Variants in AXIN1 observed in about 807,000 individuals in gnomAD.
AXIN1 encodes the protein axin 1.
AXIN1 carries 30 observed loss-of-function variants against 76.4 expected under a neutral mutation model. That is an observed-to-expected ratio of 0.39 (90% confidence interval 0.29 to 0.53). The LOEUF is 0.53. Among genes scored for constraint, AXIN1 ranks in the 20% least tolerant of loss-of-function variants. The pLI is 0.66. For missense variants in AXIN1, 1,140 were observed against 1,198.8 expected, an observed-to-expected ratio of 0.95 and a Z score of 0.72; for synonymous variants, 545 against 501.4, an observed-to-expected ratio of 1.09 and a Z score of -1.16.
At chr16:337,131 C>T (rs965257791) in intron 2 of AXIN1, among the ~76,000 whole-genome samples, 1 of 102,400 alleles carries the variant, frequency 9.8e-6, no homozygotes. Flanking sequence ...GCCTGGGTGA[C>T]AGAGCAAGAC....
intron 3 of AXIN1, among the ~76,000 whole-genome samples, chr16:314,310 G>A (rs958298908): frequency 7.2e-5 from 11 of 152,300 alleles, no homozygotes; most frequent in Admixed American, 1.3e-4. Flanking sequence ...GAGACCTGGG[G>A]AGCCAGGAAA....
intron 2 of AXIN1, among the ~76,000 whole-genome samples, chr16:317,281 G>A (rs946013295): frequency 2.0e-5 from 3 of 152,176 alleles, no homozygotes; most frequent in East Asian, 1.9e-4. Flanking sequence ...GCAGGGCCTC[G>A]CTGCACGGGG....
At chr16:348,459 A>G (rs2054076501) in intron 1 of AXIN1, among the ~76,000 whole-genome samples, 1 of 152,154 alleles carries the variant, frequency 6.6e-6, no homozygotes, top group South Asian at 2.1e-4. Context: ...ACTTCCTCAC[A>G]TTGCACACAC....
rs576683608 is a variant in AXIN1 at position 339,443 on chromosome 16, G to A, written c.878+6705C>T. Reference sequence around the variant, plus strand: ...GGAGAAGTGCTTGAACCCAGGAGGTGGAGCTTGCAGTGAGCCAAGATTGTG... The same window carrying A: ...GGAGAAGTGCTTGAACCCAGGAGGTAGAGCTTGCAGTGAGCCAAGATTGTG... On this transcript the variant is annotated intron_variant, in intron 2 of 10. Coordinates refer to ENST00000262320, the MANE Select transcript of AXIN1 (RefSeq NM_003502.4). 2.3e-4 allele frequency among the ~76,000 whole-genome samples: 34 copies of A among 151,012 alleles called. No homozygotes were observed. In the South Asian group the frequency reaches 5.9e-3, roughly 26 times the overall value.
At chr16:332,836 T>G (rs548630085) in intron 2 of AXIN1, among the ~76,000 whole-genome samples, 10 of 151,630 alleles carry the variant, frequency 6.6e-5, no homozygotes, top group Non-Finnish European at 1.2e-4. Flanking sequence ...AGATCTCAAA[T>G]AAGTTCTAAA....
At chr16:326,394 T>TATATATATATATATATATACACACAC (rs144093618) in intron 2 of AXIN1, among the ~76,000 whole-genome samples, 5 of 119,666 alleles carry the variant, frequency 4.2e-5, no homozygotes, top group African/African-American at 1.4e-4. Context: ...TATATATATA[T>TATATATATATATATATATACACACAC]ACACACCTAT....
chr16:325,439 T>C (rs1299507034), intron 2 of AXIN1, among the ~76,000 whole-genome samples: 4 of 152,206 alleles, frequency 2.6e-5, no homozygotes, highest in Admixed American at 2.0e-4. Flanking sequence ...ACGGTGTTTT[T>C]CTCCAACTGC....
At chr16:349,945 C>G (rs1212086389) in intron 1 of AXIN1, among the ~76,000 whole-genome samples, 1 of 152,208 alleles carries the variant, frequency 6.6e-6, no homozygotes, top group African/African-American at 2.4e-5. Flanking sequence ...ACTACAGGCA[C>G]GAGTCATCAA....
chr16:309,334 C>G (rs1244857612), intron 4 of AXIN1, among the ~76,000 whole-genome samples: 1 of 151,878 alleles, frequency 6.6e-6, no homozygotes, highest in Non-Finnish European at 1.5e-5. Flanking sequence ...CTTCCCGTAA[C>G]ATCTTTCCTG....
At chr16:320,743 A>ATATATATATATATTT (rs397722732) in intron 2 of AXIN1, among the ~76,000 whole-genome samples, 8 of 107,660 alleles carry the variant, frequency 7.4e-5, no homozygotes, top group African/African-American at 3.7e-4. Flanking sequence ...ATATATATAT[A>ATATATATATATATTT]TTTTTTTTTT....
chr16:316,235 G>A (rs2053299172), intron 2 of AXIN1, among the ~76,000 whole-genome samples: 1 of 151,854 alleles, frequency 6.6e-6, no homozygotes, highest in African/African-American at 2.4e-5. Context: ...ATCTAGGCCA[G>A]TCCAGCAGAG....
chr16:343,573 C>A (rs775849678), intron 2 of AXIN1, among the ~76,000 whole-genome samples: 1 of 150,816 alleles, frequency 6.6e-6, no homozygotes, highest in Admixed American at 6.6e-5. Context: ...CATGGTAGCT[C>A]ACACTTGTAA....
At chr16:326,394 T>TATATACACAC (rs144093618) in intron 2 of AXIN1, among the ~76,000 whole-genome samples, 5 of 119,660 alleles carry the variant, frequency 4.2e-5, no homozygotes, top group African/African-American at 7.0e-5. Flanking sequence ...TATATATATA[T>TATATACACAC]ACACACCTAT....
rs768782311 is a variant in AXIN1, at chr16:346,576, A to G, written c.450T>C (p.Leu150=). The G allele has an allele frequency of 6.2e-7, 1 of 1,611,802 alleles. No individual in the cohort carries two copies. Among genetic ancestry groups the G allele is most frequent in the East Asian group, 2.2e-5 (1 of 44,866 alleles). Residue 150 remains leucine (L), a synonymous_variant, in exon 2 of 11, where the codon CTT becomes CTC. Transcript: ENST00000262320. ...LARAIYRKYI[L]DNNGIVSRQT... is the part of the protein sequence containing the mutation. Reference sequence around the variant, plus strand: ...GCCGGGACACGATGCCATTGTTATCAAGAATGTACTTTCGGTAGATGGCTC... The same window carrying G: ...GCCGGGACACGATGCCATTGTTATCGAGAATGTACTTTCGGTAGATGGCTC...
chr16:305,679 G>A (rs2141553997), intron 4 of AXIN1, among the ~76,000 whole-genome samples: 1 of 152,236 alleles, frequency 6.6e-6, no homozygotes, highest in Non-Finnish European at 1.5e-5. Flanking sequence ...GAGTAGCTGG[G>A]ACTACAGGCG....
rs541611939 is a variant in AXIN1 at position 299,567 on chromosome 16, C to T, written c.1255-1316G>A. Among the ~76,000 whole-genome samples, 258 of 152,192 alleles carry T rather than the reference C, an allele frequency of 1.7e-3. 1 individual carries two copies. Among genetic ancestry groups the T allele is most frequent in the Middle Eastern group, 0.01 (3 of 294 alleles). On this transcript the variant is annotated intron_variant, in intron 5 of 10. Transcript: ENST00000262320. ...ACGGGGTTTCACCATGTTGGCCAGG[C>T]TGGTCTCAAACTCCTAACCTCAGGT...
chr16:288,702 C>T (rs1354514366), intron 10 of AXIN1, among the ~76,000 whole-genome samples: 1 of 152,252 alleles, frequency 6.6e-6, no homozygotes, highest in East Asian at 1.9e-4. Context: ...GGTCAGGCCC[C>T]CTCTGCTCAC....
intron 2 of AXIN1, among the ~76,000 whole-genome samples, chr16:337,190 T>G (rs1597103967): frequency 6.9e-6 from 1 of 145,442 alleles, no homozygotes. Flanking sequence ...CACATTTACG[T>G]GTATCCTTTT....
rs984668055 is a variant in AXIN1, at chr16:297,839, C to A, written c.1667G>T (p.Arg556Leu). The change falls in exon 6 of 11, where the codon CGC becomes CTC. Residue 556 changes from arginine (R) to leucine (L), a missense_variant. By Grantham distance (102) the Arg-to-Leu change is moderately radical (BLOSUM62 -2). This residue lies in a region of AXIN1 where 708 missense variants were observed against 776.9 expected (regional missense o/e 0.91). Coordinates refer to ENST00000262320, the MANE Select transcript of AXIN1 (RefSeq NM_003502.4). The part of the protein sequence containing the change: ...PKEQVEAEAT[R>L]RAQSSFAWGL... ...CCAGGCGAAGCTGCTCTGGGCCCTG[C>A]GGGTGGCCTCGGCCTCCACCTGCTC... The A allele has an allele frequency of 1.3e-6, 2 of 1,575,244 alleles. No homozygotes were observed. Among genetic ancestry groups the A allele is most frequent in the East Asian group, 2.3e-5 (1 of 44,390 alleles).
Sources: gnomAD v4.1 joint callset for allele counts (sites outside exome capture counted in the v4.1 genomes callset) on GRCh38, gnomAD v4.1.1 for gene constraint, gnomAD v4.1.1 regional missense constraint, MANE v1.5 for transcripts, NCBI Gene and HGNC (gene_info 2026-07-23, HGNC 2026-07-21) for gene names.